The following RNF150 variants were observed in gnomAD, a reference collection of about 807,000 sequenced individuals.
RNF150 encodes ring finger protein 150.
Under a neutral mutation model 39.3 loss-of-function variants are expected in RNF150, and 24 were observed. The ratio of observed to expected loss-of-function variants is 0.61; its 90% CI spans 0.44 to 0.86. RNF150 has a LOEUF of 0.86. RNF150 is among the 40% of genes least tolerant of loss of function. RNF150 has a pLI of 0.00. For missense variants in RNF150, 502 were observed against 587.8 expected, an observed-to-expected ratio of 0.85 and a Z score of 1.51; for synonymous variants, 255 against 227.3, an observed-to-expected ratio of 1.12 and a Z score of -1.10.
chr4:141,049,855 C>G (rs529363521), intron 1 of RNF150, among the ~76,000 whole-genome samples: 58 of 152,120 alleles, frequency 3.8e-4, no homozygotes, highest in African/African-American at 1.3e-3. Flanking sequence ...ACTGATGTAA[C>G]TGAATAGCAT....
chr4:140,863,796 A>C lies in RNF150; in HGVS notation c.*4465T>G, dbSNP rs527931357. 2.0e-5 allele frequency: 3 copies of C among 152,140 alleles called. No individual in the cohort carries two copies. The South Asian group carries it at 6.3e-4, about 32-fold the overall frequency. The allele number at this position is 152,140 out of a possible 1,614,324, so 9.4% of individuals were successfully genotyped here. ...GGGCTCTCGCTCCACAGAGGGAGTG[A>C]CTCCATAGCCCAGATTTTTTGAAAA... On this transcript the variant is annotated 3_prime_UTR_variant, in exon 7 of 7. Coordinates refer to ENST00000515673, the MANE Select transcript of RNF150 (RefSeq NM_020724.2).
chr4:140,987,857 G>A (rs887443349), intron 1 of RNF150, among the ~76,000 whole-genome samples: 1 of 151,908 alleles, frequency 6.6e-6, no homozygotes, highest in Non-Finnish European at 1.5e-5. Flanking sequence ...CACAAACTAT[G>A]CATCCAACAA....
chr4:141,184,867 CTGTGTG>C (rs61134992), intron 1 of RNF150, among the ~76,000 whole-genome samples: 1 of 147,994 alleles, frequency 6.8e-6, no homozygotes, highest in Non-Finnish European at 1.5e-5. Flanking sequence ...GTCTATATAT[CTGTGTG>C]TGTGTGTGTG....
At position 141,080,984 on chromosome 4, in the gene RNF150, G is replaced by A. The variant is rs1050201054; in HGVS notation, c.484+51341C>T. 5.3e-5 allele frequency among the ~76,000 whole-genome samples: 8 copies of A among 152,112 alleles called. No individual in the cohort carries two copies. In the East Asian group the frequency reaches 5.8e-4, roughly 11 times the overall value. On this transcript the variant is annotated intron_variant, in intron 1 of 6. Coordinates refer to ENST00000515673, the MANE Select transcript of RNF150 (RefSeq NM_020724.2). ...CTCTGGGTGGAGTGACCTGTTTACC[G>A]GATCACATGTCCAATGCGGTTGTCA...
chr4:141,074,979 A>G (rs1697677755), intron 1 of RNF150, among the ~76,000 whole-genome samples: 1 of 152,200 alleles, frequency 6.6e-6, no homozygotes, highest in Admixed American at 6.5e-5. Context: ...ATTTCTGACT[A>G]TAAATTAATA....
chr4:141,023,460 G>A (rs1047599894), intron 1 of RNF150, among the ~76,000 whole-genome samples: 1 of 151,686 alleles, frequency 6.6e-6, no homozygotes, highest in Admixed American at 6.6e-5. Flanking sequence ...CTATATGTTG[G>A]CCAGGCTGGT....
At chr4:140,925,338 C>T (rs1731348403) in intron 5 of RNF150, among the ~76,000 whole-genome samples, 1 of 152,146 alleles carries the variant, frequency 6.6e-6, no homozygotes, top group Non-Finnish European at 1.5e-5. Flanking sequence ...CTGGCTGATT[C>T]TCTTTGTACA....
At chr4:141,164,969 G>T (rs1727576312) in intron 1 of RNF150, among the ~76,000 whole-genome samples, 1 of 152,070 alleles carries the variant, frequency 6.6e-6, no homozygotes, top group African/African-American at 2.4e-5. Flanking sequence ...AATGTAAATG[G>T]GCTAAATGCC....
At position 140,868,257 on chromosome 4, in the gene RNF150, C is replaced by G; in HGVS notation, c.*4G>C. ...ACTATCTCTTTGCTTCTGGATTTGT[C>G]GTTTCAAGATTTCACTTCTTCACAG... On this transcript the variant is annotated 3_prime_UTR_variant, in exon 7 of 7. Coordinates refer to ENST00000515673, the MANE Select transcript of RNF150 (RefSeq NM_020724.2). The G allele has an allele frequency of 1.3e-6, 2 of 1,523,956 alleles. No homozygotes were observed. Among genetic ancestry groups the G allele is most frequent in the Non-Finnish European group, 1.8e-6 (2 of 1,098,144 alleles). 94.4% of individuals were successfully genotyped at this position (1,523,956 alleles called of 1,614,324 possible).
At chr4:140,973,072 AC>A (rs1014033498) in intron 1 of RNF150, among the ~76,000 whole-genome samples, 3 of 152,126 alleles carry the variant, frequency 2.0e-5, no homozygotes, top group African/African-American at 7.2e-5. Flanking sequence ...AAATTAGAAA[AC>A]CATTCAGGAC....
At chr4:141,082,198 T>C (rs1738177133) in intron 1 of RNF150, among the ~76,000 whole-genome samples, 1 of 152,214 alleles carries the variant, frequency 6.6e-6, no homozygotes. Flanking sequence ...GTTATACATA[T>C]TATTGGCCAA....
chr4:141,208,314 A>C (rs764663544), intron 1 of RNF150, among the ~76,000 whole-genome samples: 1 of 152,300 alleles, frequency 6.6e-6, no homozygotes, highest in Admixed American at 6.5e-5. Context: ...ATATTCCTCT[A>C]TCTCATTGTT....
At chr4:141,058,350 A>G (rs899970220) in intron 1 of RNF150, among the ~76,000 whole-genome samples, 5 of 152,092 alleles carry the variant, frequency 3.3e-5, no homozygotes, top group African/African-American at 4.8e-5. Flanking sequence ...GAGAAGGAAG[A>G]AAATCCCTTA....
intron 1 of RNF150, among the ~76,000 whole-genome samples, chr4:141,112,515 G>T (rs746978013): frequency 6.6e-6 from 1 of 152,110 alleles, no homozygotes; most frequent in African/African-American, 2.4e-5. Flanking sequence ...GAAATTCTGG[G>T]TTGAAAATTC....
intron 1 of RNF150, among the ~76,000 whole-genome samples, chr4:141,162,426 G>C (rs1044841155): frequency 2.6e-5 from 4 of 152,054 alleles, no homozygotes; most frequent in African/African-American, 9.7e-5. Context: ...CAGGTTCATA[G>C]GCAGAAGAGG....
At chr4:141,093,761 T>TACA (rs1738680488) in intron 1 of RNF150, among the ~76,000 whole-genome samples, 1 of 151,992 alleles carries the variant, frequency 6.6e-6, no homozygotes, top group African/African-American at 2.4e-5. Flanking sequence ...TCAACCAAAT[T>TACA]CATTAAACAC....
intron 1 of RNF150, among the ~76,000 whole-genome samples, chr4:141,017,199 G>A (rs928360487): frequency 1.4e-4 from 22 of 152,070 alleles, no homozygotes; most frequent in Non-Finnish European, 2.9e-4. Flanking sequence ...AATACCTCAC[G>A]TGGAATTTGT....
At chr4:141,068,189 C>A (rs546334731) in intron 1 of RNF150, among the ~76,000 whole-genome samples, 3 of 152,128 alleles carry the variant, frequency 2.0e-5, no homozygotes, top group Admixed American at 2.0e-4. Flanking sequence ...ATGTGATCTG[C>A]CCGCCTTGGC....
intron 1 of RNF150, among the ~76,000 whole-genome samples, chr4:141,166,263 C>G (rs936833542): frequency 6.6e-6 from 1 of 152,126 alleles, no homozygotes; most frequent in Admixed American, 6.6e-5. Context: ...GAAGTTGAAT[C>G]CCTGAATAGA....
Sources: gnomAD v4.1 joint callset for allele counts (sites outside exome capture counted in the v4.1 genomes callset) on GRCh38, gnomAD v4.1.1 for gene constraint, MANE v1.5 for transcripts, NCBI Gene and HGNC (gene_info 2026-07-23, HGNC 2026-07-21) for gene names.